The following ERBB4 variants were observed in gnomAD, a reference collection of about 807,000 sequenced individuals.
ERBB4 encodes the protein erb-b2 receptor tyrosine kinase 4.
A neutral mutation model predicts 158.0 loss-of-function variants in ERBB4; 42 were observed. The ratio of observed to expected loss-of-function variants is 0.27; its 90% CI spans 0.21 to 0.34. The LOEUF is 0.34. ERBB4 is among the 10% of genes least tolerant of loss of function. The pLI, the probability that ERBB4 is intolerant of heterozygous loss-of-function variation, is 1.00. For missense variants in ERBB4, 1,333 were observed against 1,624.1 expected, an observed-to-expected ratio of 0.82 and a Z score of 3.08; for synonymous variants, 583 against 558.7, an observed-to-expected ratio of 1.04 and a Z score of -0.61.
At chr2:212,347,529 T>A (rs2089064728) in intron 1 of ERBB4, among the ~76,000 whole-genome samples, 1 of 152,150 alleles carries the variant, frequency 6.6e-6, no homozygotes, top group Non-Finnish European at 1.5e-5. Flanking sequence ...AACTCTTTCC[T>A]TTCAGATCTG....
At chr2:211,776,975 C>T (rs1488476760) in intron 4 of ERBB4, among the ~76,000 whole-genome samples, 2 of 152,080 alleles carry the variant, frequency 1.3e-5, no homozygotes, top group Admixed American at 6.6e-5. Context: ...AATATGATTT[C>T]TGGGCTCTGA....
intron 1 of ERBB4, among the ~76,000 whole-genome samples, chr2:212,377,784 CTTAAGG>C (rs2090373719): frequency 6.6e-6 from 1 of 151,732 alleles, no homozygotes; most frequent in Non-Finnish European, 1.5e-5. Context: ...CTTAGCTTAC[CTTAAGG>C]TTAAGTTTTA....
chr2:212,413,137 T>A (rs1166012063), intron 1 of ERBB4, among the ~76,000 whole-genome samples: 1 of 70,674 alleles, frequency 1.4e-5, no homozygotes, highest in Non-Finnish European at 3.8e-5. Flanking sequence ...GTGGCTAATT[T>A]TTTTTTTTTT....
chr2:212,373,083 G>A (rs991209903), intron 1 of ERBB4, among the ~76,000 whole-genome samples: 3 of 151,996 alleles, frequency 2.0e-5, no homozygotes, highest in Non-Finnish European at 2.9e-5. Flanking sequence ...ATAATGATGG[G>A]GTTAATGACA....
chr2:212,337,127 G>T (rs1371841862), intron 1 of ERBB4, among the ~76,000 whole-genome samples: 1 of 151,930 alleles, frequency 6.6e-6, no homozygotes. Flanking sequence ...GATTTGCTTA[G>T]ATTTCTATTT....
chr2:211,989,726 C>A (rs2082025140), intron 2 of ERBB4, among the ~76,000 whole-genome samples: 1 of 151,804 alleles, frequency 6.6e-6, no homozygotes, highest in Non-Finnish European at 1.5e-5. Flanking sequence ...TAATCATATT[C>A]CATTCAATGA....
At chr2:211,450,713 C>T (rs904244471) in intron 20 of ERBB4, among the ~76,000 whole-genome samples, 4 of 152,090 alleles carry the variant, frequency 2.6e-5, no homozygotes, top group African/African-American at 9.7e-5. Context: ...ATTATGTCCT[C>T]GGAGAGGCCT....
intron 20 of ERBB4, among the ~76,000 whole-genome samples, chr2:211,486,942 T>C (rs9941626): frequency 2.0e-5 from 3 of 151,726 alleles, no homozygotes; most frequent in African/African-American, 7.3e-5. Context: ...CTTCATCAGA[T>C]AATATATTCT....
intron 1 of ERBB4, among the ~76,000 whole-genome samples, chr2:212,309,760 T>C (rs2086957840): frequency 6.7e-6 from 1 of 150,346 alleles, no homozygotes; most frequent in Non-Finnish European, 1.5e-5. Context: ...TGAGGGTATT[T>C]TTTTTTTAAG....
At chr2:212,218,955 A>AT (rs927198165) in intron 1 of ERBB4, among the ~76,000 whole-genome samples, 121 of 148,646 alleles carry the variant, frequency 8.1e-4, no homozygotes, top group South Asian at 5.9e-3. Flanking sequence ...TGTATATGCC[A>AT]TTTTTTTTTT....
At chr2:212,472,447 C>T (rs975177072) in intron 1 of ERBB4, among the ~76,000 whole-genome samples, 1 of 151,308 alleles carries the variant, frequency 6.6e-6, no homozygotes, top group Non-Finnish European at 1.5e-5. Flanking sequence ...TTCTTTTTTG[C>T]TATTGCTTCC....
intron 2 of ERBB4, among the ~76,000 whole-genome samples, chr2:212,114,851 C>T (rs992273447): frequency 8.5e-5 from 13 of 152,176 alleles, no homozygotes; most frequent in Admixed American, 5.2e-4. Flanking sequence ...AACTTACTGT[C>T]AAGTCTTCAG....
chr2:212,290,374 T>G (rs1371296882), intron 1 of ERBB4, among the ~76,000 whole-genome samples: 1 of 152,168 alleles, frequency 6.6e-6, no homozygotes, highest in Non-Finnish European at 1.5e-5. Flanking sequence ...ATATATGAAG[T>G]AGTCTTTACC....
At chr2:212,123,177 G>A (rs2079810093) in intron 2 of ERBB4, among the ~76,000 whole-genome samples, 1 of 152,168 alleles carries the variant, frequency 6.6e-6, no homozygotes, top group African/African-American at 2.4e-5. Flanking sequence ...CGAGGAGGGC[G>A]GATTGCCTGA....
intron 20 of ERBB4, among the ~76,000 whole-genome samples, chr2:211,452,422 C>T (rs1243922915): frequency 6.6e-6 from 1 of 152,106 alleles, no homozygotes; most frequent in African/African-American, 2.4e-5. Context: ...GTGATCCACC[C>T]ACCTCGGCCT....
chr2:211,722,369 G>C, intron 7 of ERBB4, 24 bp downstream of exon 7: 1 of 1,581,002 alleles, frequency 6.3e-7, no homozygotes, highest in Non-Finnish European at 8.7e-7. Context: ...TAATTAATTT[G>C]GTTATTCTTA....
At chr2:212,486,732 A>C (rs1045814722) in intron 1 of ERBB4, among the ~76,000 whole-genome samples, 28 of 152,178 alleles carry the variant, frequency 1.8e-4, no homozygotes, top group African/African-American at 5.8e-4. Context: ...AGAAATATAA[A>C]CACAACAGAG....
chr2:212,046,797 T>C (rs894262837), intron 2 of ERBB4, among the ~76,000 whole-genome samples: 2 of 152,176 alleles, frequency 1.3e-5, no homozygotes, highest in Non-Finnish European at 2.9e-5. Context: ...CGTTTGCTGT[T>C]TGCTGGTTGT....
rs188665008 is a variant in ERBB4, at chr2:212,374,742, C to A, written c.82+163707G>T. ...AGAAAGGTTCCTATTAGTTTGTCCT[C>A]GGCTTTGGAAACTAACAAATAAAGA... On this transcript the variant is annotated intron_variant, in intron 1 of 27. Transcript: ENST00000342788. 5.3e-5 allele frequency among the ~76,000 whole-genome samples: 8 copies of A among 152,008 alleles called. No homozygotes were observed. In the East Asian group the frequency reaches 1.4e-3, roughly 26 times the overall value.
Sources: gnomAD v4.1 joint callset for allele counts (sites outside exome capture counted in the v4.1 genomes callset) on GRCh38, gnomAD v4.1.1 for gene constraint, MANE v1.5 for transcripts, NCBI Gene and HGNC (gene_info 2026-07-23, HGNC 2026-07-21) for gene names.